The following TECPR1 variants were observed in gnomAD, a reference collection of about 807,000 sequenced individuals.
The protein encoded by TECPR1 is tectonin beta-propeller repeat-containing protein 1.
A neutral mutation model predicts 162.4 loss-of-function variants in TECPR1; 122 were observed. That is an observed-to-expected ratio of 0.75 (90% CI 0.65 to 0.87). TECPR1 has a LOEUF of 0.87. Ranked by LOEUF, TECPR1 falls within the 40% of genes least tolerant of loss-of-function variation. The pLI, the probability that TECPR1 is intolerant of heterozygous loss-of-function variation, is 0.00. For synonymous variants in TECPR1, 642 were observed against 670.6 expected, an observed-to-expected ratio of 0.96 and a Z score of 0.66; for missense variants, 1,432 against 1,618.2, an observed-to-expected ratio of 0.88 and a Z score of 1.97.
At chr7:98,242,923 C>T (rs1484703630) in intron 6 of TECPR1, among the ~76,000 whole-genome samples, 1 of 148,226 alleles carries the variant, frequency 6.7e-6, no homozygotes, top group East Asian at 2.0e-4. Context: ...CATCCACACA[C>T]CCATCCGCCC....
chr7:98,230,507 G>A (rs1038194529), intron 15 of TECPR1, among the ~76,000 whole-genome samples: 5 of 151,994 alleles, frequency 3.3e-5, no homozygotes, highest in Non-Finnish European at 1.5e-5. Flanking sequence ...CCTTGACCAC[G>A]CCCCCAAACT....
Position 98,225,146 on chromosome 7 carries a change from T to A in TECPR1, c.2514-44A>T, listed in dbSNP as rs570248993. 5.9e-6 allele frequency: 9 copies of A among 1,522,368 alleles called. No homozygotes were observed. The African/African-American group carries it at 1.2e-4, about 21-fold the overall frequency. 94.3% of individuals were successfully genotyped at this position (1,522,368 alleles called of 1,614,324 possible). A position where few individuals can be genotyped will look rare whatever the true frequency, so the allele number is the denominator to read the frequency against. ...GCAGGTGACGAGGGAGACTGGGGAA[T>A]GAACTGGCTCACTCAGACACCCCCA... On this transcript the variant is annotated intron_variant, in intron 17 of 25. Coordinates refer to ENST00000447648, the MANE Select transcript of TECPR1 (RefSeq NM_015395.3).
chr7:98,239,179 C>A (rs922857688), intron 8 of TECPR1, among the ~76,000 whole-genome samples: 1 of 152,216 alleles, frequency 6.6e-6, no homozygotes, highest in South Asian at 2.1e-4. Flanking sequence ...TCCATCAGGG[C>A]TCTTCTTATA....
At chr7:98,250,464 TA>T (rs1490092219) in intron 2 of TECPR1, among the ~76,000 whole-genome samples, 1 of 151,462 alleles carries the variant, frequency 6.6e-6, no homozygotes, top group Non-Finnish European at 1.5e-5. Flanking sequence ...CCCATCTCTG[TA>T]AAAATAAAAA....
chr7:98,231,154 C>T, intron 14 of TECPR1, 36 bp from the exon 15 acceptor site: 1 of 1,601,450 alleles, frequency 6.2e-7, no homozygotes, highest in Non-Finnish European at 8.5e-7. Flanking sequence ...GCTGAGCAGG[C>T]CAGGCCAGGC....
chr7:98,236,221 C>G (rs1182490775), intron 10 of TECPR1, among the ~76,000 whole-genome samples: 1 of 152,186 alleles, frequency 6.6e-6, no homozygotes, highest in Non-Finnish European at 1.5e-5. Flanking sequence ...ACTGCAGCAG[C>G]ATCACCTGGG....
rs1798185470 is a variant in TECPR1, at chr7:98,223,124, T to C, written c.2794A>G (p.Ile932Val). 5.6e-6 allele frequency: 9 copies of C among 1,605,000 alleles called. No individual in the cohort carries two copies. The highest frequency in any genetic ancestry group is 7.7e-6 in the Non-Finnish European group (9 of 1,176,376). ...TSGPWLEVPP[I>V]ALRDVSIIPE... ...ATGATGGACACGTCCCTGAGGGCGA[T>C]GGGGGGCACCTCCAGCCAGGGCCCA... The change falls in exon 21 of 26, where the codon ATC (isoleucine) becomes GTC (valine). Residue 932 changes from isoleucine (I) to valine (V), a missense_variant. Transcript: ENST00000447648.
At chr7:98,222,037 CTG>C (rs1157678562) in intron 22 of TECPR1, among the ~76,000 whole-genome samples, 3 of 152,246 alleles carry the variant, frequency 2.0e-5, no homozygotes, top group African/African-American at 7.2e-5. Flanking sequence ...TAACCCATCC[CTG>C]TGCAGAGGGC....
chr7:98,242,210 G>A (rs935430945), intron 6 of TECPR1, among the ~76,000 whole-genome samples: 3 of 152,194 alleles, frequency 2.0e-5, no homozygotes, highest in African/African-American at 7.2e-5. Context: ...AAGCCCACTG[G>A]GGAGCTGTGG....
chr7:98,217,107 A>G lies in TECPR1; in HGVS notation c.*283T>C. 2.8e-6 allele frequency: 1 copy of G among 354,202 alleles called. No homozygotes were observed. Among genetic ancestry groups the G allele is most frequent in the Non-Finnish European group, 5.1e-6 (1 of 196,418 alleles). The allele number at this position is 354,202 out of a possible 1,614,324, so 21.9% of individuals were successfully genotyped here. On this transcript the variant is annotated 3_prime_UTR_variant, in exon 26 of 26. Transcript: ENST00000447648. Reference sequence around the variant, plus strand: ...CCTGGAAAGGCAGAAGGGAGAGGGGAAGGGAAGGGTGGGAGGGGCCTCTGG... The same window carrying G: ...CCTGGAAAGGCAGAAGGGAGAGGGGGAGGGAAGGGTGGGAGGGGCCTCTGG...
At chr7:98,248,234 T>C (rs944254391) in intron 2 of TECPR1, among the ~76,000 whole-genome samples, 1 of 152,064 alleles carries the variant, frequency 6.6e-6, no homozygotes, top group Non-Finnish European at 1.5e-5. Context: ...ACAGAGCTAC[T>C]GGATGAAGCC....
At chr7:98,224,945 G>T in intron 18 of TECPR1, 61 bp downstream of exon 18, 2 of 1,540,988 alleles carry the variant, frequency 1.3e-6, no homozygotes, top group Admixed American at 2.0e-5. Context: ...AACACTCGAG[G>T]AGGGGCAAGG....
chr7:98,232,999 C>T lies in TECPR1; in HGVS notation c.1673-27G>A, dbSNP rs765640775. ...TGTGGGGCAGAGAGAGCCTCAGGGC[C>T]GGGGCACTGTCCTGCCCGCAGCTGG... On this transcript the variant is annotated intron_variant, in intron 11 of 25. Transcript: ENST00000447648. This position sits in a 1 kb window ranked among gnomAD's most constrained non-coding sequence, Gnocchi z 4.6. The T allele has an allele frequency of 3.0e-5, 47 of 1,590,732 alleles. No individual in the cohort carries two copies. Among genetic ancestry groups the T allele is most frequent in the Non-Finnish European group, 3.5e-5 (41 of 1,167,924 alleles).
At chr7:98,235,849 A>AAACAC (rs1798588324) in intron 10 of TECPR1, among the ~76,000 whole-genome samples, 133 of 110,110 alleles carry the variant, frequency 1.2e-3, no homozygotes, top group African/African-American at 4.0e-3. Flanking sequence ...AAAAAAAAAA[A>AAACAC]AACACCATCT....
chr7:98,226,233 G>A (rs563650986), intron 17 of TECPR1, among the ~76,000 whole-genome samples: 3 of 152,320 alleles, frequency 2.0e-5, no homozygotes, highest in Admixed American at 1.3e-4. Context: ...CAGCTGAGGC[G>A]GAGGTTTTCA....
intron 3 of TECPR1, 140 bp from the exon 4 acceptor site, chr7:98,245,207 G>C: frequency 1.1e-6 from 1 of 929,110 alleles, no homozygotes; most frequent in Non-Finnish European, 1.6e-6. Flanking sequence ...TGAGCAGAGG[G>C]CCTGTGTGGG....
rs773338690 is a variant in TECPR1 at position 98,233,679 on chromosome 7, G to T, written c.1414C>A (p.Pro472Thr). 1 of 1,607,438 alleles carries T rather than the reference G, an allele frequency of 6.2e-7. No individual in the cohort carries two copies. Among genetic ancestry groups the T allele is most frequent in the African/African-American group, 1.3e-5 (1 of 74,918 alleles). ...GGGGCCGGGCCGGGGTGCGTGTTGG[G>T]TCTGGCCTCCCTGCTGCCCTCGGCT... Reference protein sequence around the residue: ...CPAEGSREARPNTHPGPAPTP... With the variant: ...CPAEGSREARTNTHPGPAPTP... The change falls in exon 11 of 26, where the codon CCC (proline) becomes ACC (threonine). Residue 472 changes from proline (P) to threonine (T), a missense_variant. Coordinates refer to ENST00000447648, the MANE Select transcript of TECPR1 (RefSeq NM_015395.3).
Position 98,241,360 on chromosome 7 carries a change from T to C in TECPR1, c.658-116A>G. ...TGTCCCCTGACCGTCCAGATCTCACTCCCTGCCCCCTACCCCGGCCAAAAA... is the reference window on the plus strand; with the variant it reads ...TGTCCCCTGACCGTCCAGATCTCACCCCCTGCCCCCTACCCCGGCCAAAAA... On this transcript the variant is annotated intron_variant, in intron 6 of 25. Transcript: ENST00000447648. This position sits in a 1 kb window ranked among gnomAD's most constrained non-coding sequence, Gnocchi z 5.0. 1 of 1,310,314 alleles carries C rather than the reference T, an allele frequency of 7.6e-7. No homozygotes were observed. Among genetic ancestry groups the C allele is most frequent in the Non-Finnish European group, 1.1e-6 (1 of 945,168 alleles). 81.2% of individuals were successfully genotyped at this position (1,310,314 alleles called of 1,614,324 possible).
At position 98,245,000 on chromosome 7, in the gene TECPR1, A is replaced by G. The variant is rs1212942746; in HGVS notation, c.293T>C (p.Val98Ala). The G allele has an allele frequency of 6.2e-7, 1 of 1,610,886 alleles. No individual in the cohort carries two copies. Among genetic ancestry groups the G allele is most frequent in the Non-Finnish European group, 8.5e-7 (1 of 1,179,094 alleles). The part of the protein sequence containing the change: ...LLSDRWGWSD[V>A]SGLQHRPLDR... ...CAGCGGCCGGTGCTGGAGCCCACTC[A>G]CGTCACTCCACCCCCAGCGGTCACT... Residue 98 changes from valine to alanine, a missense_variant, in exon 4 of 26, where the codon GTG (valine) becomes GCG (alanine). Transcript: ENST00000447648.
Sources: allele counts gnomAD v4.1 joint callset (sites outside exome capture counted in the v4.1 genomes callset), GRCh38; gene constraint gnomAD v4.1.1; non-coding constraint Gnocchi (gnomAD v3.1); transcripts MANE v1.5; gene names NCBI Gene and HGNC (gene_info 2026-07-23, HGNC 2026-07-21).